FER: variants seen among roughly 807,000 people sequenced by gnomAD.
FER encodes the protein FER tyrosine kinase.
FER carries 63 observed loss-of-function variants against 111.0 expected under a neutral mutation model. The observed-to-expected ratio is 0.57, with a 90% CI of 0.46 to 0.70. The LOEUF is 0.70. Among genes scored for constraint, FER ranks in the 30% least tolerant of loss-of-function variants. The pLI is 0.00. For missense variants in FER, 914 were observed against 954.0 expected (o/e 0.96, Z 0.55); for synonymous variants, 327 against 313.9 (o/e 1.04, Z -0.44).
intron 13 of FER, among the ~76,000 whole-genome samples, chr5:109,036,517 G>A (rs923221306): frequency 1.3e-5 from 2 of 151,788 alleles, no homozygotes; most frequent in African/African-American, 4.8e-5. Flanking sequence ...ATTTCCATCT[G>A]TCTTTGTAAT....
intron 9 of FER, among the ~76,000 whole-genome samples, chr5:108,885,167 G>A (rs1333417786): frequency 6.6e-6 from 1 of 151,788 alleles, no homozygotes; most frequent in Non-Finnish European, 1.5e-5. Flanking sequence ...TCTGAACTCC[G>A]TGGCCATGTA....
intron 5 of FER, among the ~76,000 whole-genome samples, chr5:108,860,573 T>C (rs1388827798): frequency 1.3e-5 from 2 of 152,352 alleles, no homozygotes; most frequent in African/African-American, 4.8e-5. Context: ...TGTTTCTACA[T>C]ATCACACTTG....
rs189996069 is a variant in FER at position 109,148,622 on chromosome 5, G to A, written c.2049-32125G>A. On this transcript the variant is annotated intron_variant, in intron 17 of 19. Transcript: ENST00000281092. The stretch of plus-strand genomic sequence containing the variant: ...TCTGTTTAAGAGTATAAGAAAGTAT[G>A]TGCTACATTTTAGAAAGTTTTTCAC... 4.6e-5 allele frequency among the ~76,000 whole-genome samples: 7 copies of A among 152,276 alleles called. No individual in the cohort carries two copies. In the East Asian group the frequency reaches 1.4e-3, roughly 29 times the overall value.
intron 2 of FER, among the ~76,000 whole-genome samples, chr5:108,780,969 G>C (rs1754007387): frequency 6.6e-6 from 1 of 151,704 alleles, no homozygotes; most frequent in African/African-American, 2.4e-5. Context: ...CTTCATTTCT[G>C]TTACAGTGTT....
chr5:108,998,569 G>A (rs550195552), intron 13 of FER, among the ~76,000 whole-genome samples: 2 of 152,236 alleles, frequency 1.3e-5, no homozygotes, highest in African/African-American at 4.8e-5. Context: ...CTGCAGACTG[G>A]AGCTGTTCCT....
At chr5:108,816,236 G>A (rs1000259926) in intron 3 of FER, among the ~76,000 whole-genome samples, 3 of 152,180 alleles carry the variant, frequency 2.0e-5, no homozygotes, top group African/African-American at 7.2e-5. Context: ...CTAGGTGAAT[G>A]CAGAAAACTA....
At chr5:108,966,677 C>T (rs370430230) in intron 13 of FER, among the ~76,000 whole-genome samples, 4 of 151,910 alleles carry the variant, frequency 2.6e-5, no homozygotes, top group East Asian at 1.9e-4. Context: ...TGAGCCACTG[C>T]GCCTGGCCAA....
chr5:109,146,290 A>C (rs999876038), intron 17 of FER, among the ~76,000 whole-genome samples: 25 of 114,038 alleles, frequency 2.2e-4, no homozygotes, highest in East Asian at 1.4e-3. Flanking sequence ...ATATATATAT[A>C]TCTTGGGTAG....
intron 5 of FER, 39 bp from the exon 6 acceptor site, chr5:108,867,728 A>T (rs1355879231): frequency 1.9e-6 from 3 of 1,563,086 alleles, no homozygotes; most frequent in Middle Eastern, 1.7e-4. Flanking sequence ...TTTTTTTCTT[A>T]TCTCTTTACT....
intron 17 of FER, among the ~76,000 whole-genome samples, chr5:109,125,890 T>G (rs1158429562): frequency 6.6e-6 from 1 of 152,228 alleles, no homozygotes; most frequent in Non-Finnish European, 1.5e-5. Flanking sequence ...ACCTGACTGT[T>G]TCGGGACTCT....
chr5:108,948,958 A>G (rs557590136), intron 11 of FER, among the ~76,000 whole-genome samples: 1 of 152,292 alleles, frequency 6.6e-6, no homozygotes, highest in African/African-American at 2.4e-5. Flanking sequence ...CAGTCTCCTT[A>G]AAATTCATAT....
rs373741735 is a variant in FER at position 108,761,962 on chromosome 5, G to A, written c.-205-6131G>A. 3.3e-5 allele frequency among the ~76,000 whole-genome samples: 5 copies of A among 152,228 alleles called. No individual in the cohort carries two copies. In the East Asian group the frequency reaches 7.7e-4, roughly 24 times the overall value. ...GTCTCACTTTGCCACCCAGGCTGGA[G>A]TGCAGTGGCATGATCTCAGCTCACT... On this transcript the variant is annotated intron_variant, in intron 1 of 19. Transcript: ENST00000281092.
chr5:109,122,833 T>C (rs1204085958), intron 17 of FER, among the ~76,000 whole-genome samples: 9 of 152,196 alleles, frequency 5.9e-5, no homozygotes, highest in Non-Finnish European at 1.0e-4. Flanking sequence ...TCTTTGTCTC[T>C]TTTTTAGTTT....
At chr5:108,878,137 C>G (rs973605651) in intron 8 of FER, among the ~76,000 whole-genome samples, 1 of 151,998 alleles carries the variant, frequency 6.6e-6, no homozygotes, top group Non-Finnish European at 1.5e-5. Flanking sequence ...GAACTCCTGA[C>G]CTCAACTGAT....
intron 17 of FER, among the ~76,000 whole-genome samples, chr5:109,151,653 A>G (rs1283688610): frequency 6.6e-6 from 1 of 152,144 alleles, no homozygotes; most frequent in Non-Finnish European, 1.5e-5. Context: ...AGCAACAGCT[A>G]CAATGATCTG....
intron 16 of FER, chr5:109,051,577 T>C: frequency 6.2e-7 from 1 of 1,609,700 alleles, no homozygotes; most frequent in East Asian, 2.2e-5. Context: ...GCAAGAAGAA[T>C]TGTTTCTGTC....
intron 4 of FER, among the ~76,000 whole-genome samples, chr5:108,835,188 C>CCCT (rs1554074767): frequency 9.2e-6 from 1 of 109,230 alleles, no homozygotes; most frequent in East Asian, 2.6e-4. Context: ...TGCGCCACCC[C>CCCT]CCCCCCCCCA....
At chr5:109,146,001 A>G (rs10214384) in intron 17 of FER, among the ~76,000 whole-genome samples, 59,231 of 149,920 alleles carry the variant, frequency 0.4, 11,859 homozygotes, top group Non-Finnish European at 0.43. Context: ...TTTACATCTT[A>G]TGGTATTCAG....
chr5:109,144,163 C>T (rs570966633), intron 17 of FER, among the ~76,000 whole-genome samples: 26 of 152,238 alleles, frequency 1.7e-4, no homozygotes, highest in African/African-American at 5.3e-4. Context: ...CTCTGAATCC[C>T]GACTTCCCTG....
Sources: gnomAD v4.1 joint callset for allele counts (sites outside exome capture counted in the v4.1 genomes callset) on GRCh38, gnomAD v4.1.1 for gene constraint, MANE v1.5 for transcripts, NCBI Gene and HGNC (gene_info 2026-07-23, HGNC 2026-07-21) for gene names.